Variants in ANO6 observed in about 807,000 individuals in gnomAD.
ANO6 encodes the protein anoctamin-6.
Under a neutral mutation model 117.5 loss-of-function variants are expected in ANO6, and 106 were observed. That is an observed-to-expected ratio of 0.90 (90% CI 0.77 to 1.06). The LOEUF is 1.06. Among genes scored for constraint, ANO6 ranks in the 50% least tolerant of loss-of-function variants. The pLI is 0.00. For synonymous variants in ANO6, 367 were observed against 385.1 expected (o/e 0.95, Z 0.55); for missense variants, 955 against 1,121.1 (o/e 0.85, Z 2.12).
In ANO6 at chr12:45,430,200, A is replaced by C. The variant is rs1168855945; in HGVS notation, c.*889A>C. 4 of 985,472 alleles carry C rather than the reference A, an allele frequency of 4.1e-6. No homozygotes were observed. Among genetic ancestry groups the C allele is most frequent in the Non-Finnish European group, 2.4e-6 (2 of 829,928 alleles). 61.0% of individuals were successfully genotyped at this position (985,472 alleles called of 1,614,324 possible). On this transcript the variant is annotated 3_prime_UTR_variant, in exon 20 of 20. Coordinates refer to ENST00000320560, the MANE Select transcript of ANO6 (RefSeq NM_001025356.3). ...CATGATTAAAATTACATTTTTATCAACATAATTGTCTGGAAAAGATAAGCC... is the reference window on the plus strand; with the variant it reads ...CATGATTAAAATTACATTTTTATCACCATAATTGTCTGGAAAAGATAAGCC...
chr12:45,393,527 C>T (rs1311816051), intron 12 of ANO6, among the ~76,000 whole-genome samples: 2 of 151,972 alleles, frequency 1.3e-5, no homozygotes, highest in African/African-American at 4.8e-5. Context: ...AAGAGCAACC[C>T]CAAGACACAT....
Position 45,243,984 on chromosome 12 carries a change from G to A in ANO6, c.70+27593G>A, listed in dbSNP as rs1246024260. Among the ~76,000 whole-genome samples the A allele has an allele frequency of 5.3e-5, 8 of 152,306 alleles. No homozygotes were observed. In the South Asian group the frequency reaches 1.2e-3, roughly 24 times the overall value. On this transcript the variant is annotated intron_variant, in intron 1 of 19. Transcript: ENST00000320560. ...AGTAAATTGAAACTCATTTTCTCAT[G>A]GTAACAGTGTACAAAGGGAAATTAT...
chr12:45,356,745 C>A (rs1941421160), intron 7 of ANO6, among the ~76,000 whole-genome samples: 1 of 151,782 alleles, frequency 6.6e-6, no homozygotes, highest in South Asian at 2.1e-4. Flanking sequence ...GAAGGGGAGG[C>A]AGGAGAGGCA....
chr12:45,339,478 G>A (rs1479373947), intron 3 of ANO6, among the ~76,000 whole-genome samples: 1 of 152,040 alleles, frequency 6.6e-6, no homozygotes, highest in African/African-American at 2.4e-5. Flanking sequence ...CTCAGAATGA[G>A]CATTTATTTC....
chr12:45,350,186 T>C (rs1941243830), intron 6 of ANO6, among the ~76,000 whole-genome samples: 1 of 152,214 alleles, frequency 6.6e-6, no homozygotes. Flanking sequence ...TTTCTGTATG[T>C]TATCACAGAA....
Position 45,366,170 on chromosome 12 carries a change from A to G in ANO6, c.999-1518A>G, listed in dbSNP as rs1201378787. On this transcript the variant is annotated intron_variant, in intron 8 of 19. Transcript: ENST00000320560. ...TAGGAGTCCTTTAAATACTCTGACA[A>G]ATAATCCTGTCATTTTTATGTCTGC... 8.6e-5 allele frequency among the ~76,000 whole-genome samples: 13 copies of G among 151,822 alleles called. No homozygotes were observed. The East Asian group carries it at 2.5e-3, about 29-fold the overall frequency.
intron 1 of ANO6, among the ~76,000 whole-genome samples, chr12:45,273,025 G>T (rs941616753): frequency 1.3e-5 from 2 of 152,152 alleles, no homozygotes; most frequent in Non-Finnish European, 2.9e-5. Flanking sequence ...GAACCTGGGA[G>T]ATGTTATGCT....
At chr12:45,398,236 G>T (rs866673871) in intron 12 of ANO6, among the ~76,000 whole-genome samples, 1 of 152,092 alleles carries the variant, frequency 6.6e-6, no homozygotes, top group South Asian at 2.1e-4. Context: ...TAAAGAGACA[G>T]AACATTAATG....
In ANO6 at chr12:45,429,485, T is replaced by C. The variant is rs76336359; in HGVS notation, c.*174T>C. ...CTAGCGATGCAGAAACTGGAAAATGTAAAACTTAGATCATGAAGGGCATAA... is the reference window on the plus strand; with the variant it reads ...CTAGCGATGCAGAAACTGGAAAATGCAAAACTTAGATCATGAAGGGCATAA... On this transcript the variant is annotated 3_prime_UTR_variant, in exon 20 of 20. Coordinates refer to ENST00000320560, the MANE Select transcript of ANO6 (RefSeq NM_001025356.3). The C allele has an allele frequency of 0.023, 33,631 of 1,439,024 alleles. 445 individuals carry two copies. Among genetic ancestry groups the C allele is most frequent in the Middle Eastern group, 0.027 (106 of 3,904 alleles). The allele number at this position is 1,439,024 out of a possible 1,614,324, so 89.1% of individuals were successfully genotyped here.
intron 1 of ANO6, among the ~76,000 whole-genome samples, chr12:45,268,174 A>G (rs1259461907): frequency 6.6e-6 from 1 of 152,136 alleles, no homozygotes; most frequent in Non-Finnish European, 1.5e-5. Context: ...AGGCGTGTAG[A>G]TTGTTTCCAG....
chr12:45,263,211 GT>G (rs1414260295), intron 1 of ANO6, among the ~76,000 whole-genome samples: 1 of 151,748 alleles, frequency 6.6e-6, no homozygotes. Flanking sequence ...GGTACAAGAT[GT>G]TCTATTTTTT....
At chr12:45,388,390 G>A in intron 11 of ANO6, 87 bp downstream of exon 11, 2 of 1,553,340 alleles carry the variant, frequency 1.3e-6, no homozygotes, top group Non-Finnish European at 1.8e-6. Flanking sequence ...ACTTGGGGGA[G>A]CTTAAAAAAT....
chr12:45,414,651 A>G (rs947754494), intron 16 of ANO6, among the ~76,000 whole-genome samples: 24 of 152,310 alleles, frequency 1.6e-4, no homozygotes, highest in Non-Finnish European at 2.5e-4. Flanking sequence ...TATCTCCCAG[A>G]GCTATCCCAT....
chr12:45,327,266 C>T (rs1565693062), intron 2 of ANO6, among the ~76,000 whole-genome samples: 1 of 152,108 alleles, frequency 6.6e-6, no homozygotes, highest in Non-Finnish European at 1.5e-5. Flanking sequence ...CATATTTTGA[C>T]TATCATATTG....
intron 1 of ANO6, among the ~76,000 whole-genome samples, chr12:45,284,334 A>G (rs1938839138): frequency 6.6e-6 from 1 of 152,166 alleles, no homozygotes; most frequent in African/African-American, 2.4e-5. Flanking sequence ...CCAGAATCTT[A>G]TGGCCAGAAT....
intron 1 of ANO6, among the ~76,000 whole-genome samples, chr12:45,257,765 A>C (rs1439324547): frequency 6.6e-6 from 1 of 152,182 alleles, no homozygotes; most frequent in Non-Finnish European, 1.5e-5. Context: ...ACTGTTGCCA[A>C]ATTTATCTGT....
chr12:45,246,823 GGCGCTGTCTCGGCTCATT>G (rs1393929398), intron 1 of ANO6, among the ~76,000 whole-genome samples: 1 of 149,302 alleles, frequency 6.7e-6, no homozygotes, highest in African/African-American at 2.5e-5. Context: ...GGAGCGCAGT[GGCGCTGTCTCGGCTCATT>G]GCAACCTCCG....
At chr12:45,350,961 T>C (rs74080819) in intron 7 of ANO6, among the ~76,000 whole-genome samples, 187 bp downstream of exon 7, 4,936 of 152,232 alleles carry the variant, frequency 0.032, 245 homozygotes, top group African/African-American at 0.11. Context: ...TCATTACCCA[T>C]CTCCAGTATC....
chr12:45,322,495 A>G (rs990290932), intron 2 of ANO6, among the ~76,000 whole-genome samples: 7 of 152,182 alleles, frequency 4.6e-5, no homozygotes, highest in Non-Finnish European at 8.8e-5. Flanking sequence ...GACTTCCTCT[A>G]GAGGTTGCTG....
Sources: allele counts gnomAD v4.1 joint callset (sites outside exome capture counted in the v4.1 genomes callset), GRCh38; gene constraint gnomAD v4.1.1; transcripts MANE v1.5; gene names NCBI Gene and HGNC (gene_info 2026-07-23, HGNC 2026-07-21).